Variants in RNF130 observed in about 807,000 individuals in gnomAD.
RNF130 encodes the protein E3 ubiquitin-protein ligase RNF130.
In RNF130, 21 loss-of-function variants were observed where a neutral mutation model predicts 44.6. That is an observed-to-expected ratio of 0.47 (90% CI 0.33 to 0.68). The LOEUF (loss-of-function observed/expected upper bound fraction) is 0.68. Ranked by LOEUF, RNF130 falls within the 30% of genes least tolerant of loss-of-function variation. The pLI is 0.02. For missense variants in RNF130, 479 were observed against 560.6 expected (o/e 0.85, Z 1.47); for synonymous variants, 214 against 210.4 (o/e 1.02, Z -0.15).
intron 2 of RNF130, among the ~76,000 whole-genome samples, chr5:180,019,860 G>A (rs912857919): frequency 2.6e-5 from 4 of 152,172 alleles, no homozygotes; most frequent in Non-Finnish European, 5.9e-5. Flanking sequence ...TCAAGCACTG[G>A]GGAGCCACAT....
chr5:180,021,040 G>GGT (rs2113103943), intron 2 of RNF130, among the ~76,000 whole-genome samples: 1 of 31,704 alleles, frequency 3.2e-5, no homozygotes, highest in South Asian at 2.9e-3. Flanking sequence ...GGAGTGCAGT[G>GGT]GCGCAATCTC....
chr5:179,970,582 T>C, intron 5 of RNF130, 76 bp from the exon 6 acceptor site: 1 of 1,122,566 alleles, frequency 8.9e-7, no homozygotes, highest in Non-Finnish European at 1.3e-6. Context: ...AGAAAGGGAA[T>C]TTTTAGTTAA....
At chr5:179,964,647 C>A (rs1342246496) in intron 7 of RNF130, among the ~76,000 whole-genome samples, 1 of 152,188 alleles carries the variant, frequency 6.6e-6, no homozygotes, top group African/African-American at 2.4e-5. Flanking sequence ...ATTGTGTGTG[C>A]ATAGGCATTT....
intron 1 of RNF130, among the ~76,000 whole-genome samples, chr5:180,051,471 T>C (rs1170051771): frequency 6.6e-6 from 1 of 151,716 alleles, no homozygotes; most frequent in Non-Finnish European, 1.5e-5. Flanking sequence ...TCTCCTGACC[T>C]TGTGATCTGC....
chr5:180,006,387 A>G (rs761965311), intron 3 of RNF130, among the ~76,000 whole-genome samples: 1 of 152,212 alleles, frequency 6.6e-6, no homozygotes, highest in African/African-American at 2.4e-5. Context: ...AATGTTCCAT[A>G]TATTTCCACA....
intron 2 of RNF130, among the ~76,000 whole-genome samples, chr5:180,014,890 G>A (rs1414642615): frequency 6.6e-6 from 1 of 152,180 alleles, no homozygotes; most frequent in East Asian, 1.9e-4. Context: ...GGAGGCTGAG[G>A]TGGGAGGATC....
intron 3 of RNF130, 104 bp downstream of exon 3, chr5:180,012,957 A>T: frequency 7.4e-7 from 1 of 1,345,970 alleles, no homozygotes; most frequent in South Asian, 1.4e-5. Context: ...TGAGGGTAAC[A>T]ACATTTTTTA....
At chr5:179,944,446 C>T (rs1298166938) in intron 7 of RNF130, among the ~76,000 whole-genome samples, 1 of 151,918 alleles carries the variant, frequency 6.6e-6, no homozygotes, top group African/African-American at 2.4e-5. Flanking sequence ...ATTAACGCTC[C>T]AATTTTCTCA....
chr5:180,005,527 T>C (rs528529267), intron 3 of RNF130, among the ~76,000 whole-genome samples: 192 of 152,326 alleles, frequency 1.3e-3, no homozygotes, highest in African/African-American at 4.5e-3. Context: ...CTAGTGACAA[T>C]TTATTCATCT....
In RNF130 at chr5:180,017,050, G is replaced by A. The variant is rs969469419; in HGVS notation, c.443-3739C>T. ...TTAGTTTTGTGTCCAGGATTCAATC[G>A]GGGCTGTCGGCATCATGCTTAGCTG... On this transcript the variant is annotated intron_variant, in intron 2 of 8. Coordinates refer to ENST00000521389, the MANE Select transcript of RNF130 (RefSeq NM_018434.6). Among the ~76,000 whole-genome samples the A allele has an allele frequency of 6.6e-5, 10 of 152,198 alleles. No homozygotes were observed. The South Asian group carries it at 1.2e-3, about 19-fold the overall frequency.
At chr5:179,945,985 CTG>C (rs1762031672) in intron 7 of RNF130, among the ~76,000 whole-genome samples, 1 of 152,238 alleles carries the variant, frequency 6.6e-6, no homozygotes, top group African/African-American at 2.4e-5. Context: ...ATCTGCCCAG[CTG>C]TGAGTGACAG....
At chr5:179,917,822 GGC>G (rs1761574814) in exon 8 of RNF130, 2 of 152,140 alleles carry the variant, frequency 1.3e-5, no homozygotes, top group African/African-American at 2.4e-5. Flanking sequence ...TGGGCAACAT[GGC>G]AAAGTCCCAT....
At chr5:180,000,790 C>G (rs1025712610) in intron 3 of RNF130, among the ~76,000 whole-genome samples, 12 of 152,154 alleles carry the variant, frequency 7.9e-5, no homozygotes, top group African/African-American at 2.2e-4. Flanking sequence ...TTCCCCAACT[C>G]TATTGATTGT....
chr5:179,980,448 T>C (rs1488090455), intron 3 of RNF130: 1 of 409,878 alleles, frequency 2.4e-6, no homozygotes, highest in Non-Finnish European at 4.5e-6. Flanking sequence ...TCTTCAATTC[T>C]CCAGCAGTAA....
intron 3 of RNF130, among the ~76,000 whole-genome samples, chr5:180,010,617 C>G (rs959662283): frequency 6.6e-6 from 1 of 152,130 alleles, no homozygotes; most frequent in Non-Finnish European, 1.5e-5. Flanking sequence ...GCCTTGGCTT[C>G]CCAAAGTGCC....
chr5:180,009,015 G>A (rs2113076328), intron 3 of RNF130, among the ~76,000 whole-genome samples: 1 of 152,220 alleles, frequency 6.6e-6, no homozygotes, highest in South Asian at 2.1e-4. Flanking sequence ...TGAAAATACA[G>A]CATATCAAAA....
intron 1 of RNF130, among the ~76,000 whole-genome samples, chr5:180,049,927 C>G (rs886548224): frequency 1.5e-4 from 23 of 152,218 alleles, no homozygotes; most frequent in Admixed American, 7.2e-4. Flanking sequence ...AAAATGTTAA[C>G]ATGCATACCT....
chr5:180,053,968 T>C (rs115865631), intron 1 of RNF130, among the ~76,000 whole-genome samples: 1,652 of 152,030 alleles, frequency 0.011, 32 homozygotes, highest in African/African-American at 0.038. Flanking sequence ...TAGCTGGGAC[T>C]ACTACACCCA....
At position 180,020,154 on chromosome 5, in the gene RNF130, A is replaced by T. The variant is rs1763839342; in HGVS notation, c.443-6843T>A. ...ACAATTCTGGGAGATGATGAGGCCC[A>T]GGGAGCAGCTATGGGACCAGGCTCC... On this transcript the variant is annotated intron_variant, in intron 2 of 8. Coordinates refer to ENST00000521389, the MANE Select transcript of RNF130 (RefSeq NM_018434.6). Among the ~76,000 whole-genome samples, 5 of 152,206 alleles carry T rather than the reference A, an allele frequency of 3.3e-5. No homozygotes were observed. The South Asian group carries it at 1.0e-3, about 31-fold the overall frequency.
Sources: allele counts gnomAD v4.1 joint callset (sites outside exome capture counted in the v4.1 genomes callset), GRCh38; gene constraint gnomAD v4.1.1; transcripts MANE v1.5; gene names NCBI Gene and HGNC (gene_info 2026-07-23, HGNC 2026-07-21).